Variants in REPS2 observed in about 807,000 individuals in gnomAD.
The protein encoded by REPS2 is ralBP1-associated Eps domain-containing protein 2.
REPS2 carries 23 observed loss-of-function variants against 53.6 expected under a neutral mutation model. The observed-to-expected ratio is 0.43, with a 90% CI of 0.31 to 0.61. The LOEUF (loss-of-function observed/expected upper bound fraction) is 0.61. Ranked by LOEUF, REPS2 falls within the 20% of genes least tolerant of loss-of-function variation. The pLI, the probability that REPS2 is intolerant of heterozygous loss-of-function variation, is 0.11. For synonymous variants in REPS2, 238 were observed against 218.6 expected (o/e 1.09, Z -0.78); for missense variants, 446 against 534.9 (o/e 0.83, Z 1.64).
At chrX:17,188,257 G>C in the REPS2 span, among the ~76,000 whole-genome samples, 1 of 112,660 alleles carries the variant, frequency 8.9e-6, no homozygotes. Flanking sequence ...ACTCCTCTTA[G>C]GAGCTTCACT....
the REPS2 span, among the ~76,000 whole-genome samples, chrX:17,189,869 C>T: frequency 8.9e-6 from 1 of 111,908 alleles, no homozygotes; most frequent in African/African-American, 3.3e-5. Context: ...GTCTATCTGC[C>T]CAGGTCCCTA....
chrX:17,023,795 C>T (rs377039176), intron 3 of REPS2, among the ~76,000 whole-genome samples: 1 of 111,724 alleles, frequency 9.0e-6, no homozygotes, highest in Non-Finnish European at 1.9e-5. Context: ...AGGCCCAGTC[C>T]CTGATTGTGT....
chrX:16,969,015 G>T (rs758510529), intron 1 of REPS2, among the ~76,000 whole-genome samples: 1 of 110,321 alleles, frequency 9.1e-6, no homozygotes, highest in African/African-American at 3.3e-5. Flanking sequence ...CAGACGGGGC[G>T]GTTGCCAGGC....
At chrX:17,107,378 A>G (rs2062888643) in intron 14 of REPS2, among the ~76,000 whole-genome samples, 1 of 112,225 alleles carries the variant, frequency 8.9e-6, no homozygotes, top group African/African-American at 3.2e-5. Flanking sequence ...TTTGAAAACT[A>G]CTATTCTCAA....
At chrX:17,106,572 C>A (rs1251850154) in intron 14 of REPS2, among the ~76,000 whole-genome samples, 2 of 109,257 alleles carry the variant, frequency 1.8e-5, no homozygotes, top group Non-Finnish European at 3.8e-5. Context: ...TGCCACCACG[C>A]CCGGTTAATT....
At chrX:17,002,459 T>G (rs923933416) in intron 1 of REPS2, among the ~76,000 whole-genome samples, 1 of 111,697 alleles carries the variant, frequency 9.0e-6, no homozygotes, top group Non-Finnish European at 1.9e-5. Flanking sequence ...CTATAATGCC[T>G]AATGTTGGGT....
intron 2 of REPS2, among the ~76,000 whole-genome samples, chrX:17,014,414 C>G (rs1348204984): frequency 9.0e-6 from 1 of 111,633 alleles, no homozygotes; most frequent in Non-Finnish European, 1.9e-5. Flanking sequence ...GTAACCTCCA[C>G]CCCGCCATCT....
chrX:17,093,192 AT>A (rs1569171969), intron 13 of REPS2, among the ~76,000 whole-genome samples: 14,369 of 34,088 alleles, frequency 0.42, 2,095 homozygotes, highest in East Asian at 0.65. Context: ...ATATATATAT[AT>A]ATATATAATT....
chrX:17,050,125 TCTTTCTTC>T (rs1408542437), intron 6 of REPS2, among the ~76,000 whole-genome samples: 9 of 70,006 alleles, frequency 1.3e-4, no homozygotes, highest in Admixed American at 2.3e-4. Context: ...GTTTCTTCTT[TCTTTCTTC>T]CTTTCTTCCT....
rs760713152 is a variant in REPS2 at position 16,952,872 on chromosome X, T to C, written c.273+5738T>C. Among the ~76,000 whole-genome samples, 388 of 111,548 alleles carry C rather than the reference T, an allele frequency of 3.5e-3. 1 individual carries two copies. The highest frequency in any genetic ancestry group is 0.012 in the African/African-American group (374 of 30,666). The stretch of plus-strand genomic sequence containing the variant: ...GGGCAGGGTGGCTCATTGCCTGTAA[T>C]CCTAGCACTTTGGGAGGCCGAGGCG... On this transcript the variant is annotated intron_variant, in intron 1 of 17. Coordinates refer to ENST00000357277, the MANE Select transcript of REPS2 (RefSeq NM_004726.3).
the REPS2 span, among the ~76,000 whole-genome samples, chrX:17,195,284 T>C: frequency 8.9e-6 from 1 of 112,439 alleles, no homozygotes; most frequent in South Asian, 3.6e-4. Flanking sequence ...TTCTCCCTCG[T>C]CTCTGCCCAC....
At chrX:17,106,570 C>T (rs1319418850) in intron 14 of REPS2, among the ~76,000 whole-genome samples, 8 of 109,176 alleles carry the variant, frequency 7.3e-5, no homozygotes, top group East Asian at 2.9e-4. Context: ...CCTGCCACCA[C>T]GCCCGGTTAA....
chrX:17,063,279 C>T (rs1303262348), intron 9 of REPS2, among the ~76,000 whole-genome samples: 4 of 112,021 alleles, frequency 3.6e-5, no homozygotes, highest in African/African-American at 1.3e-4. Flanking sequence ...GAGCTTTATT[C>T]ACAGACTCCA....
intron 15 of REPS2, 122 bp downstream of exon 15, chrX:17,134,029 G>A (rs1170084662): frequency 1.8e-6 from 1 of 540,971 alleles, no homozygotes; most frequent in African/African-American, 2.3e-5. Context: ...CAATGATCCA[G>A]ATTTCCTAGA....
intron 13 of REPS2, among the ~76,000 whole-genome samples, chrX:17,096,312 C>G (rs1301079614): frequency 9.0e-6 from 1 of 111,359 alleles, no homozygotes; most frequent in African/African-American, 3.3e-5. Flanking sequence ...TGAGCAAGAA[C>G]AAACAGGAAA....
chrX:17,050,157 T>TTC (rs2061966773), intron 6 of REPS2, among the ~76,000 whole-genome samples: 1 of 39,811 alleles, frequency 2.5e-5, no homozygotes, highest in African/African-American at 1.2e-4. Context: ...TTTCTTTCTT[T>TTC]CTTTCTTTCT....
At chrX:17,080,941 G>A (rs1206873343) in intron 13 of REPS2, among the ~76,000 whole-genome samples, 4 of 111,196 alleles carry the variant, frequency 3.6e-5, no homozygotes, top group Admixed American at 9.6e-5. Flanking sequence ...TGGCCATGGG[G>A]AAGCCTACCT....
At chrX:17,038,844 G>A (rs765349243) in intron 5 of REPS2, among the ~76,000 whole-genome samples, 39 of 112,217 alleles carry the variant, frequency 3.5e-4, no homozygotes, top group African/African-American at 1.2e-3. Flanking sequence ...GGGCCCTGTG[G>A]GCTATGTGAC....
chrX:17,004,478 C>G lies in REPS2; in HGVS notation c.274-1743C>G, dbSNP rs138268275. 1.2e-4 allele frequency among the ~76,000 whole-genome samples: 12 copies of G among 100,043 alleles called. No homozygotes were observed. The East Asian group carries it at 3.8e-3, about 31-fold the overall frequency. 86.9% of individuals were successfully genotyped at this position (100,043 alleles called of 115,157 possible). A position where few individuals can be genotyped will look rare whatever the true frequency, so the allele number is the denominator to read the frequency against. ...TTCCAAAGGCTTATAATTCTTTTCTCTTCCTTGAGGCTTGACTATTTCAGA... is the reference window on the plus strand; with the variant it reads ...TTCCAAAGGCTTATAATTCTTTTCTGTTCCTTGAGGCTTGACTATTTCAGA... On this transcript the variant is annotated intron_variant, in intron 1 of 17. Transcript: ENST00000357277.
Sources: gnomAD v4.1 joint callset for allele counts (sites outside exome capture counted in the v4.1 genomes callset) on GRCh38, gnomAD v4.1.1 for gene constraint, MANE v1.5 for transcripts, NCBI Gene and HGNC (gene_info 2026-07-23, HGNC 2026-07-21) for gene names.